USP28: variants seen among roughly 807,000 people sequenced by gnomAD.
USP28 encodes the protein ubiquitin carboxyl-terminal hydrolase 28.
A neutral mutation model predicts 145.0 loss-of-function variants in USP28; 113 were observed. That is an observed-to-expected ratio of 0.78 (90% CI 0.67 to 0.91). The LOEUF (loss-of-function observed/expected upper bound fraction) is 0.91, where lower values mean the gene tolerates loss of function less well. USP28 is among the 40% of genes least tolerant of loss of function. The pLI is 0.00. For synonymous variants in USP28, 447 were observed against 450.9 expected (o/e 0.99, Z 0.11); for missense variants, 1,201 against 1,289.6 (o/e 0.93, Z 1.05).
intron 3 of USP28, among the ~76,000 whole-genome samples, chr11:113,850,755 C>T (rs12421635): frequency 0.03 from 4,579 of 152,180 alleles, 376 homozygotes; most frequent in East Asian, 0.27. Flanking sequence ...CTTTTCTTTC[C>T]CCTATACCCA....
intron 10 of USP28, among the ~76,000 whole-genome samples, chr11:113,828,457 C>G (rs566718296): frequency 1.6e-4 from 25 of 152,288 alleles, no homozygotes; most frequent in African/African-American, 5.8e-4. Flanking sequence ...CAACACTGCT[C>G]TACAGTGAAT....
At chr11:113,836,018 C>A (rs1170752187) in intron 5 of USP28, among the ~76,000 whole-genome samples, 3 of 152,126 alleles carry the variant, frequency 2.0e-5, no homozygotes, top group African/African-American at 7.2e-5. Flanking sequence ...GCAGAGGTTG[C>A]CGTGAGCCGA....
chr11:113,834,916 T>C (rs1944400157), intron 5 of USP28, among the ~76,000 whole-genome samples: 1 of 152,180 alleles, frequency 6.6e-6, no homozygotes, highest in Non-Finnish European at 1.5e-5. Context: ...AAAAAAGTAT[T>C]ATACTGCTTA....
intron 16 of USP28, among the ~76,000 whole-genome samples, chr11:113,811,998 G>C (rs1941061097): frequency 6.6e-6 from 1 of 152,144 alleles, no homozygotes; most frequent in South Asian, 2.1e-4. Flanking sequence ...GGAAGATACA[G>C]ATAAATAGAA....
intron 1 of USP28, among the ~76,000 whole-genome samples, chr11:113,863,529 C>G (rs1255382251): frequency 1.3e-5 from 2 of 151,926 alleles, no homozygotes; most frequent in Non-Finnish European, 2.9e-5. Flanking sequence ...CCTGTAGTCC[C>G]AGCTTCTCAG....
intron 5 of USP28, among the ~76,000 whole-genome samples, chr11:113,835,031 T>C (rs529317967): frequency 6.6e-6 from 1 of 152,310 alleles, no homozygotes; most frequent in South Asian, 2.1e-4. Flanking sequence ...AGGAACTCAA[T>C]AGAACAGAAA....
intron 5 of USP28, among the ~76,000 whole-genome samples, chr11:113,838,454 TCCA>T (rs1233360931): frequency 6.6e-6 from 1 of 152,188 alleles, no homozygotes; most frequent in East Asian, 1.9e-4. Context: ...CCACTCCACC[TCCA>T]CCACCTTTCC....
chr11:113,873,344 G>A (rs1031713465), intron 1 of USP28, among the ~76,000 whole-genome samples: 1 of 152,188 alleles, frequency 6.6e-6, no homozygotes, highest in Non-Finnish European at 1.5e-5. Context: ...AAATCACTGG[G>A]AAGAACAGTA....
rs963747030 is a variant in USP28, at chr11:113,862,121, C to T, written c.58-7786G>A. ...CAGCACTTTACGGGGCTGAGGCGGG[C>T]GGATCACCTGAGGTCAGGAGTTCAA... On this transcript the variant is annotated intron_variant, in intron 1 of 24. Coordinates refer to ENST00000003302, the Ensembl canonical transcript of USP28. Among the ~76,000 whole-genome samples the T allele has an allele frequency of 5.9e-5, 9 of 152,070 alleles. No individual in the cohort carries two copies. In the East Asian group the frequency reaches 1.2e-3, roughly 20 times the overall value.
At chr11:113,871,753 A>G (rs1050938089) in intron 1 of USP28, among the ~76,000 whole-genome samples, 10 of 152,206 alleles carry the variant, frequency 6.6e-5, no homozygotes, top group African/African-American at 2.4e-4. Flanking sequence ...AGCTCAGTCA[A>G]GTAGAAAAGA....
chr11:113,869,816 C>T (rs1272346893), intron 1 of USP28, among the ~76,000 whole-genome samples: 1 of 152,056 alleles, frequency 6.6e-6, no homozygotes, highest in East Asian at 1.9e-4. Flanking sequence ...TTCAAGCAGA[C>T]CTGTTCAAAA....
At chr11:113,824,652 CA>C (rs1032544079) in intron 11 of USP28, among the ~76,000 whole-genome samples, 8 of 150,600 alleles carry the variant, frequency 5.3e-5, no homozygotes, top group African/African-American at 1.5e-4. Context: ...GATGTTGGAC[CA>C]GGGGCGGTGG....
chr11:113,849,766 C>A (rs1946265606), intron 3 of USP28, among the ~76,000 whole-genome samples: 1 of 152,140 alleles, frequency 6.6e-6, no homozygotes, highest in South Asian at 2.1e-4. Context: ...AAAGATAGTG[C>A]CGACAGCTAT....
At chr11:113,854,222 T>A (rs770343363) in intron 2 of USP28, 36 bp downstream of exon 2, 1 of 1,577,328 alleles carries the variant, frequency 6.3e-7, no homozygotes, top group Admixed American at 1.8e-5. Context: ...ACAGCTGCTT[T>A]AAAGCCTCCT....
intron 1 of USP28, chr11:113,874,836 T>C (rs1032662229): frequency 5.8e-6 from 6 of 1,029,184 alleles, no homozygotes; most frequent in Non-Finnish European, 7.0e-6. Context: ...TCATCATCAG[T>C]AGACTTTCTA....
rs1941096133 is a variant in USP28 at position 113,812,217 on chromosome 11, C to T, written c.1972+59G>A. 17 of 1,350,040 alleles carry T rather than the reference C, an allele frequency of 1.3e-5. No homozygotes were observed. In the Middle Eastern group the frequency reaches 1.5e-3, roughly 117 times the overall value. The allele number at this position is 1,350,040 out of a possible 1,614,324, so 83.6% of individuals were successfully genotyped here. On this transcript the variant is annotated intron_variant, in intron 16 of 24. Coordinates refer to ENST00000003302, the Ensembl canonical transcript of USP28. ...TTTTAAAAAGCAGTACAAGACTGTT[C>T]TTCTCCCTGAGCAGTACAGATTTTC...
intron 3 of USP28, among the ~76,000 whole-genome samples, chr11:113,845,419 G>A (rs1250329161): frequency 2.0e-5 from 3 of 150,110 alleles, no homozygotes; most frequent in Non-Finnish European, 4.4e-5. Flanking sequence ...CTGGGCGAAA[G>A]GTAAAGACCC....
At chr11:113,822,458 C>CAGAGGAG (rs1942754856) in intron 12 of USP28, 1 of 136,398 alleles carries the variant, frequency 7.3e-6, no homozygotes, top group African/African-American at 2.9e-5. Context: ...TCAAAAAAAA[C>CAGAGGAG]AGAGAGAGAG....
intron 13 of USP28, 150 bp downstream of exon 13, chr11:113,817,508 G>T: frequency 1.1e-6 from 1 of 879,338 alleles, no homozygotes; most frequent in Non-Finnish European, 1.7e-6. Flanking sequence ...CCACCCAAGT[G>T]ACAGTCAGCA....
Sources: gnomAD v4.1 joint callset for allele counts (sites outside exome capture counted in the v4.1 genomes callset) on GRCh38, gnomAD v4.1.1 for gene constraint, MANE v1.5 for transcripts, NCBI Gene and HGNC (gene_info 2026-07-23, HGNC 2026-07-21) for gene names.